USO1: variants seen among roughly 807,000 people sequenced by gnomAD.
USO1 encodes the protein USO1 vesicle transport factor, also known as general vesicular transport factor p115.
In USO1, 57 loss-of-function variants were observed where a neutral mutation model predicts 124.5. The ratio of observed to expected loss-of-function variants is 0.46; its 90% CI spans 0.37 to 0.57. The LOEUF (loss-of-function observed/expected upper bound fraction) is 0.57, where lower values mean the gene tolerates loss of function less well. Among genes scored for constraint, USO1 ranks in the 20% least tolerant of loss-of-function variants. The pLI is 0.00. For missense variants in USO1, 900 were observed against 1,040.6 expected, an observed-to-expected ratio of 0.86 and a Z score of 1.86; for synonymous variants, 369 against 362.8, an observed-to-expected ratio of 1.02 and a Z score of -0.19.
At chr4:75,766,258 A>G (rs1721767212) in intron 4 of USO1, among the ~76,000 whole-genome samples, 1 of 152,170 alleles carries the variant, frequency 6.6e-6, no homozygotes, top group Admixed American at 6.5e-5. Context: ...TGGTGATAAT[A>G]CTTATTAATG....
Position 75,813,311 on chromosome 4 carries a change from G to A in USO1, c.*16G>A, listed in dbSNP as rs774016991. ...TCATATCTAGTTTTCAAATCTCTAG[G>A]AACAATAGAGATTATATCATAACTC... On this transcript the variant is annotated 3_prime_UTR_variant, in exon 24 of 24. Coordinates refer to ENST00000514213, the MANE Select transcript of USO1 (RefSeq NM_003715.4). The A allele has an allele frequency of 6.4e-7, 1 of 1,571,600 alleles. No homozygotes were observed.
At chr4:75,725,992 G>T (rs1720431910) in intron 1 of USO1, among the ~76,000 whole-genome samples, 1 of 152,188 alleles carries the variant, frequency 6.6e-6, no homozygotes, top group Admixed American at 6.5e-5. Flanking sequence ...ACTGAGAGGG[G>T]TGAAGTAGGC....
chr4:75,784,748 G>A (rs1298168634), intron 9 of USO1, among the ~76,000 whole-genome samples: 1 of 150,454 alleles, frequency 6.6e-6, no homozygotes, highest in African/African-American at 2.5e-5. Context: ...CCATAATCAC[G>A]CCACGCACTC....
chr4:75,751,049 G>A (rs1721285452), intron 1 of USO1, among the ~76,000 whole-genome samples: 2 of 151,764 alleles, frequency 1.3e-5, no homozygotes, highest in African/African-American at 2.4e-5. Context: ...CCTACATGGC[G>A]TTCCATCAAA....
chr4:75,772,367 G>A (rs1721956128), intron 7 of USO1, among the ~76,000 whole-genome samples: 1 of 151,860 alleles, frequency 6.6e-6, no homozygotes, highest in African/African-American at 2.4e-5. Context: ...CTCTCGAGTA[G>A]CTGGGATTAC....
chr4:75,775,225 AT>A (rs1722040842), intron 8 of USO1, among the ~76,000 whole-genome samples: 2 of 152,094 alleles, frequency 1.3e-5, no homozygotes, highest in African/African-American at 4.8e-5. Context: ...AATTATTGTA[AT>A]TAGGAAGATT....
chr4:75,737,948 C>T (rs1720842111), intron 1 of USO1, among the ~76,000 whole-genome samples: 1 of 151,886 alleles, frequency 6.6e-6, no homozygotes, highest in Admixed American at 6.5e-5. Context: ...CTGCCTCAGC[C>T]TCCTGAGTAG....
chr4:75,731,118 T>G (rs534557303), intron 1 of USO1, among the ~76,000 whole-genome samples: 30 of 152,186 alleles, frequency 2.0e-4, no homozygotes, highest in Admixed American at 5.9e-4. Context: ...TGGAAATGGA[T>G]TCATTGGATT....
At position 75,797,914 on chromosome 4, in the gene USO1, A is replaced by G. The variant is rs1472664882; in HGVS notation, c.1453-1708A>G. 2.6e-5 allele frequency among the ~76,000 whole-genome samples: 4 copies of G among 152,184 alleles called. No individual in the cohort carries two copies. The East Asian group carries it at 7.7e-4, about 29-fold the overall frequency. On this transcript the variant is annotated intron_variant, in intron 13 of 23. Coordinates refer to ENST00000514213, the MANE Select transcript of USO1 (RefSeq NM_003715.4). ...CACCTCAGCCTCCCAAAGTGCTGGG[A>G]TTACAGGCACATTAATTTTATAAAT...
At chr4:75,753,874 C>T (rs1721356501) in intron 3 of USO1, among the ~76,000 whole-genome samples, 2 of 150,402 alleles carry the variant, frequency 1.3e-5, no homozygotes, top group African/African-American at 4.9e-5. Context: ...AGCTCCGCCT[C>T]CCGAGTTTAT....
intron 4 of USO1, chr4:75,767,387 GTAAA>G (rs1173087927): frequency 4.9e-6 from 2 of 405,934 alleles, no homozygotes; most frequent in African/African-American, 4.2e-5. Flanking sequence ...ATGAACATAT[GTAAA>G]TAAACAATTT....
At chr4:75,801,229 C>T in intron 17 of USO1, 29 bp downstream of exon 17, 1 of 1,526,708 alleles carries the variant, frequency 6.6e-7, no homozygotes, top group Non-Finnish European at 8.8e-7. Context: ...TATATACCCT[C>T]TGATTACCAA....
At chr4:75,753,051 T>C (rs1321971150) in intron 3 of USO1, among the ~76,000 whole-genome samples, 1 of 152,172 alleles carries the variant, frequency 6.6e-6, no homozygotes, top group Admixed American at 6.6e-5. Flanking sequence ...ATACATATTT[T>C]GGTATTCAGA....
At chr4:75,753,780 ATTTTTTT>A (rs1180101340) in intron 3 of USO1, among the ~76,000 whole-genome samples, 2 of 125,712 alleles carry the variant, frequency 1.6e-5, no homozygotes, top group Non-Finnish European at 3.3e-5. Flanking sequence ...AGCTCTTTCA[ATTTTTTT>A]TTTTTTTTTT....
At chr4:75,743,247 A>T (rs1721018370) in intron 1 of USO1, among the ~76,000 whole-genome samples, 1 of 152,008 alleles carries the variant, frequency 6.6e-6, no homozygotes, top group Non-Finnish European at 1.5e-5. Flanking sequence ...GGCCTCCCAA[A>T]GTGCTGGGAT....
At chr4:75,745,099 A>C (rs1321916658) in intron 1 of USO1, among the ~76,000 whole-genome samples, 1 of 152,138 alleles carries the variant, frequency 6.6e-6, no homozygotes, top group African/African-American at 2.4e-5. Context: ...CTGTTATAGT[A>C]ATGAGCTGCC....
chr4:75,737,821 T>A (rs1323014577), intron 1 of USO1, among the ~76,000 whole-genome samples: 1 of 151,632 alleles, frequency 6.6e-6, no homozygotes, highest in African/African-American at 2.4e-5. Context: ...TAATACATTA[T>A]TATTATTATT....
At position 75,810,458 on chromosome 4, in the gene USO1, G is replaced by C. The variant is rs1723113722; in HGVS notation, c.2502G>C (p.Glu834Asp). 1.9e-6 allele frequency: 3 copies of C among 1,612,620 alleles called. No homozygotes were observed. The highest frequency in any genetic ancestry group is 1.3e-5 in the African/African-American group (1 of 75,002). Reference protein sequence around the residue: ...AFAKSVEVQGETETIIATKTT... With the variant: ...AFAKSVEVQGDTETIIATKTT... ...CAAAATCAGTTGAGGTACAAGGAGA[G>C]ACCGAGACTATAATAGCCACCAAAA... The change falls in exon 22 of 24, where the codon GAG becomes GAC. Residue 834 changes from glutamate to aspartate, a missense_variant. Physicochemically the swap from Glu to Asp is conservative, Grantham distance 45. This residue lies in a region of USO1 where 362 missense variants were observed against 359.0 expected (regional missense o/e 1.01). Coordinates refer to ENST00000514213, the MANE Select transcript of USO1 (RefSeq NM_003715.4).
chr4:75,766,860 T>G (rs1721780955), intron 4 of USO1, among the ~76,000 whole-genome samples: 1 of 152,226 alleles, frequency 6.6e-6, no homozygotes, highest in Non-Finnish European at 1.5e-5. Context: ...TTTGTGAGCT[T>G]CTTCCATTAT....
Sources: gnomAD v4.1 joint callset for allele counts (sites outside exome capture counted in the v4.1 genomes callset) on GRCh38, gnomAD v4.1.1 for gene constraint, gnomAD v4.1.1 regional missense constraint, MANE v1.5 for transcripts, NCBI Gene and HGNC (gene_info 2026-07-23, HGNC 2026-07-21) for gene names.